The following MAF variants were observed in gnomAD, a reference collection of about 807,000 sequenced individuals.
MAF encodes the protein transcription factor Maf.
A neutral mutation model predicts 22.0 loss-of-function variants in MAF; 10 were observed. The ratio of observed to expected loss-of-function variants is 0.45; its 90% CI spans 0.28 to 0.77. The LOEUF (loss-of-function observed/expected upper bound fraction) is 0.77, where lower values mean the gene tolerates loss of function less well. Ranked by LOEUF, MAF falls within the 30% of genes least tolerant of loss-of-function variation. MAF has a pLI of 0.12. For missense variants in MAF, 544 were observed against 548.4 expected (o/e 0.99, Z 0.08); for synonymous variants, 337 against 255.8 (o/e 1.32, Z -3.03).
the MAF span, among the ~76,000 whole-genome samples, chr16:79,519,377 G>C: frequency 6.6e-6 from 1 of 152,236 alleles, no homozygotes; most frequent in Non-Finnish European, 1.5e-5. Flanking sequence ...CTCTGCCCAT[G>C]ATGGAGAGAA....
intron 1 of MAF, chr16:79,597,604 G>C (rs1165716780): frequency 2.0e-6 from 2 of 1,022,370 alleles, no homozygotes; most frequent in Non-Finnish European, 2.3e-6. Flanking sequence ...GTAACTCAAA[G>C]CAGTTTTGGA....
chr16:79,231,890 C>G, the MAF span, among the ~76,000 whole-genome samples: 8 of 152,020 alleles, frequency 5.3e-5, no homozygotes, highest in Non-Finnish European at 7.4e-5. Flanking sequence ...AGCTTATTTT[C>G]CTGCAACTAG....
At chr16:79,285,799 C>T in the MAF span, among the ~76,000 whole-genome samples, 118 of 152,294 alleles carry the variant, frequency 7.7e-4, no homozygotes, top group African/African-American at 2.6e-3. Context: ...ACGTGACCAG[C>T]GCACACTGAG....
the MAF span, among the ~76,000 whole-genome samples, chr16:79,578,092 T>A: frequency 6.6e-6 from 1 of 152,236 alleles, no homozygotes; most frequent in Non-Finnish European, 1.5e-5. Flanking sequence ...GAATAGCTGT[T>A]TTAAAAATAT....
chr16:79,389,062 C>T, the MAF span, among the ~76,000 whole-genome samples: 1 of 152,150 alleles, frequency 6.6e-6, no homozygotes, highest in African/African-American at 2.4e-5. Flanking sequence ...TTGATCCCAT[C>T]GGAGACAGCA....
At chr16:79,386,146 G>A in the MAF span, among the ~76,000 whole-genome samples, 1 of 152,170 alleles carries the variant, frequency 6.6e-6, no homozygotes, top group African/African-American at 2.4e-5. Flanking sequence ...TTTTCCATGG[G>A]TTGTTGAGGG....
the MAF span, among the ~76,000 whole-genome samples, chr16:79,275,173 T>TGAAAAA: frequency 3.9e-5 from 6 of 152,082 alleles, no homozygotes; most frequent in Admixed American, 3.9e-4. Flanking sequence ...TTGGCCAACA[T>TGAAAAA]GGTGAAATCT....
chr16:79,330,956 A>T, the MAF span, among the ~76,000 whole-genome samples: 1 of 152,224 alleles, frequency 6.6e-6, no homozygotes, highest in Non-Finnish European at 1.5e-5. Context: ...CCGGACATGA[A>T]GGCCAACCCT....
chr16:79,325,445 T>A, the MAF span, among the ~76,000 whole-genome samples: 231 of 152,170 alleles, frequency 1.5e-3, no homozygotes, highest in African/African-American at 5.3e-3. Flanking sequence ...AGGAGGCTCA[T>A]GAAGCTCAGA....
At chr16:79,209,328 C>G in the MAF span, among the ~76,000 whole-genome samples, 1 of 152,160 alleles carries the variant, frequency 6.6e-6, no homozygotes, top group African/African-American at 2.4e-5. Flanking sequence ...TCCAGTAATG[C>G]AAGAGTGCAA....
chr16:79,366,253 AAACGT>A, the MAF span, among the ~76,000 whole-genome samples: 1 of 152,214 alleles, frequency 6.6e-6, no homozygotes, highest in Non-Finnish European at 1.5e-5. Flanking sequence ...TCAACCTTTA[AAACGT>A]AACTGCACAC....
At chr16:79,232,927 G>C in the MAF span, among the ~76,000 whole-genome samples, 25 of 143,870 alleles carry the variant, frequency 1.7e-4, no homozygotes, top group African/African-American at 5.8e-4. Context: ...TGCAAGCTCT[G>C]CCTCCCGGGT....
the MAF span, among the ~76,000 whole-genome samples, chr16:79,207,667 T>C: frequency 6.6e-5 from 10 of 152,252 alleles, no homozygotes; most frequent in African/African-American, 2.4e-4. Context: ...TCCTCTTTCT[T>C]TTAAATGAGC....
chr16:79,454,740 G>T, the MAF span, among the ~76,000 whole-genome samples: 1 of 152,124 alleles, frequency 6.6e-6, no homozygotes, highest in East Asian at 1.9e-4. Flanking sequence ...TGGTGACCTG[G>T]AGAGGCTGAT....
the MAF span, among the ~76,000 whole-genome samples, chr16:79,358,295 A>G: frequency 9.9e-5 from 15 of 152,202 alleles, no homozygotes; most frequent in Non-Finnish European, 1.2e-4. Flanking sequence ...CCAGCAGGCT[A>G]CAGGGTGATG....
the MAF span, among the ~76,000 whole-genome samples, chr16:79,329,401 T>A: frequency 6.6e-6 from 1 of 152,136 alleles, no homozygotes; most frequent in East Asian, 1.9e-4. Flanking sequence ...GCCACGCAAA[T>A]GAGATTTCAC....
chr16:79,600,061 C>T lies in MAF; in HGVS notation c.-159G>A. The T allele has an allele frequency of 1.1e-6, 1 of 937,944 alleles. No homozygotes were observed. Among genetic ancestry groups the T allele is most frequent in the Non-Finnish European group, 1.6e-6 (1 of 634,902 alleles). The allele number at this position is 937,944 out of a possible 1,614,324, so 58.1% of individuals were successfully genotyped here. A position where few individuals can be genotyped will look rare whatever the true frequency, so the allele number is the denominator to read the frequency against. ...GGCTGGCCCGAAACCTCCGAGCGCG[C>T]TCACACACACACCCCCCCGCCCTGC... On this transcript the variant is annotated 5_prime_UTR_variant, in exon 1 of 2. Coordinates refer to ENST00000326043, the MANE Select transcript of MAF (RefSeq NM_005360.5).
At chr16:79,367,540 T>G in the MAF span, among the ~76,000 whole-genome samples, 1 of 152,202 alleles carries the variant, frequency 6.6e-6, no homozygotes, top group Non-Finnish European at 1.5e-5. Context: ...TGGAGGATAC[T>G]ACATACTAAG....
the MAF span, among the ~76,000 whole-genome samples, chr16:79,492,965 CT>C: frequency 3.4e-5 from 5 of 148,798 alleles, no homozygotes; most frequent in East Asian, 2.0e-4. Flanking sequence ...TTTTCTTTTT[CT>C]TTTTTTTTTG....
Sources: gnomAD v4.1 joint callset for allele counts (sites outside exome capture counted in the v4.1 genomes callset) on GRCh38, gnomAD v4.1.1 for gene constraint, MANE v1.5 for transcripts, NCBI Gene and HGNC (gene_info 2026-07-23, HGNC 2026-07-21) for gene names.